The following DDR1 variants were observed in gnomAD, a reference collection of about 807,000 sequenced individuals.
DDR1 encodes the protein discoidin domain receptor tyrosine kinase 1, also known as epithelial discoidin domain-containing receptor 1.
Under a neutral mutation model 97.4 loss-of-function variants are expected in DDR1, and 64 were observed. That is an observed-to-expected ratio of 0.66 (90% CI 0.54 to 0.81). The LOEUF (loss-of-function observed/expected upper bound fraction) is 0.81. Ranked by LOEUF, DDR1 falls within the 30% of genes least tolerant of loss-of-function variation. The probability of loss-of-function intolerance (pLI) is 0.00; values close to 1 mark genes in which losing one functional copy is unlikely to be tolerated. For synonymous variants in DDR1, 458 were observed against 503.7 expected (o/e 0.91, Z 1.21); for missense variants, 990 against 1,259.6 (o/e 0.79, Z 3.24).
At chr6:30,895,281 C>T (rs1474632557) in intron 11 of DDR1, 123 bp from the exon 12 acceptor site, 3 of 689,206 alleles carry the variant, frequency 4.4e-6, no homozygotes, top group Non-Finnish European at 7.4e-6. Context: ...CTTGTTTTAT[C>T]CTGTCTGTCT....
upstream of DDR1, chr6:30,882,520 G>C (rs914005229): frequency 1.3e-5 from 2 of 152,266 alleles, no homozygotes; most frequent in Non-Finnish European, 2.9e-5. This position sits in a 1 kb window ranked among gnomAD's most constrained non-coding sequence, Gnocchi z 4.8. Context: ...TGGGAATCTC[G>C]GCTCCGAGTC....
rs1790371000 is a variant in DDR1, at chr6:30,895,442, G to A, written c.1552G>A (p.Ala518Thr). 2 of 1,609,750 alleles carry A rather than the reference G, an allele frequency of 1.2e-6. No individual in the cohort carries two copies. The change falls in exon 12 of 18, where the codon GCC becomes ACC. Residue 518 changes from alanine (A) to threonine (T), a missense_variant. Physicochemically the swap from Ala to Thr is moderately conservative, Grantham distance 58. Transcript: ENST00000376568. Reference sequence around the variant, plus strand: ...CAATCCAGCCTACCGCCTCCTTCTGGCCACTTACGCCCGTCCCCCTCGAGG... The same window carrying A: ...CAATCCAGCCTACCGCCTCCTTCTGACCACTTACGCCCGTCCCCCTCGAGG... The part of the protein sequence containing the change: ...LSNPAYRLLL[A>T]TYARPPRGPG...
At position 30,889,293 on chromosome 6, in the gene DDR1, C is replaced by T. The variant is rs1049621; in HGVS notation, c.280C>T (p.Leu94=). ...GTACTTGCAGGTGGATCTACAACGA[C>T]TGCACCTGGTGGCTCTGGTGGGCAC... is the stretch of plus-strand genomic sequence containing the variant. ...EEYLQVDLQR[L]HLVALVGTQG... is the part of the protein sequence containing the mutation. The change falls in exon 4 of 18, where the codon CTG becomes TTG. Residue 94 remains leucine, a synonymous_variant. Transcript: ENST00000376568. This position sits in a 1 kb window ranked among gnomAD's most constrained non-coding sequence, Gnocchi z 4.9. 6.2e-7 allele frequency: 1 copy of T among 1,612,946 alleles called. No homozygotes were observed. The highest frequency in any genetic ancestry group is 8.5e-7 in the Non-Finnish European group (1 of 1,180,004).
In DDR1 at chr6:30,891,485, A is replaced by C. The variant is rs1331946875; in HGVS notation, c.665+6A>C. On this transcript the variant is annotated splice_donor_region_variant and intron_variant, in intron 6 of 17. Transcript: ENST00000376568. The surrounding 1 kb of genome is among the most constrained non-coding windows in gnomAD (Gnocchi z 5.3). The stretch of plus-strand genomic sequence containing the variant: ...GACGGACATACCGTGGGCGGGTAAG[A>C]AAGGCCCCTGCAGGATATGGAGTTT... The C allele has an allele frequency of 6.2e-7, 1 of 1,607,378 alleles. No individual in the cohort carries two copies. Among genetic ancestry groups the C allele is most frequent in the Non-Finnish European group, 8.5e-7 (1 of 1,175,720 alleles).
chr6:30,895,146 A>G (rs1790244676), intron 11 of DDR1, among the ~76,000 whole-genome samples: 1 of 152,040 alleles, frequency 6.6e-6, no homozygotes, highest in Admixed American at 6.6e-5. Context: ...ATATTCACAC[A>G]TCCATCTTTC....
chr6:30,897,680 A>G lies in DDR1; in HGVS notation c.2216+83A>G. On this transcript the variant is annotated intron_variant, in intron 15 of 17. Transcript: ENST00000376568. This position sits in a 1 kb window ranked among gnomAD's most constrained non-coding sequence, Gnocchi z 5.2. Reference sequence around the variant, plus strand: ...TCCCCTCGCTTCAGCCTGGAGGAAAAGAGGGGAGCGTGGGGGTGGGAAGGG... The same window carrying G: ...TCCCCTCGCTTCAGCCTGGAGGAAAGGAGGGGAGCGTGGGGGTGGGAAGGG... 8.4e-7 allele frequency: 1 copy of G among 1,192,050 alleles called. No individual in the cohort carries two copies. Among genetic ancestry groups the G allele is most frequent in the Non-Finnish European group, 1.2e-6 (1 of 846,562 alleles). 73.8% of individuals were successfully genotyped at this position (1,192,050 alleles called of 1,614,324 possible). A position where few individuals can be genotyped will look rare whatever the true frequency, so the allele number is the denominator to read the frequency against.
At position 30,897,463 on chromosome 6, in the gene DDR1, C is replaced by T. The variant is rs199585201; in HGVS notation, c.2082C>T (p.Asp694=). The T allele has an allele frequency of 1.1e-5, 17 of 1,614,104 alleles. No individual in the cohort carries two copies. Among genetic ancestry groups the T allele is most frequent in the African/African-American group, 2.7e-5 (2 of 75,030 alleles). ...IIRLLGVCVQ[D]DPLCMITDYM... is the part of the protein sequence containing the mutation. ...GGCTGCTGGGCGTGTGTGTGCAGGACGACCCCCTCTGCATGATTACTGACT... is the reference window on the plus strand; with the variant it reads ...GGCTGCTGGGCGTGTGTGTGCAGGATGACCCCCTCTGCATGATTACTGACT... The change falls in exon 15 of 18, where the codon GAC becomes GAT. Residue 694 remains aspartate, a synonymous_variant. Transcript: ENST00000376568. The surrounding 1 kb of genome is among the most constrained non-coding windows in gnomAD (Gnocchi z 5.2).
Position 30,897,553 on chromosome 6 carries a change from G to T in DDR1, c.2172G>T (p.Glu724Asp). Residue 724 changes from glutamate to aspartate, a missense_variant, in exon 15 of 18, where the codon GAG (glutamate) becomes GAT (aspartate). Coordinates refer to ENST00000376568, the MANE Select transcript of DDR1 (RefSeq NM_001297654.2). The surrounding 1 kb of genome is among the most constrained non-coding windows in gnomAD (Gnocchi z 5.2). ...ACCAGCTGGAGGACAAGGCAGCCGA[G>T]GGGGCCCCTGGGGACGGGCAGGCTG... ...SAHQLEDKAA[E>D]GAPGDGQAAQ... is the part of the protein sequence containing the mutation. 6.2e-7 allele frequency: 1 copy of T among 1,613,640 alleles called. No individual in the cohort carries two copies. The highest frequency in any genetic ancestry group is 8.5e-7 in the Non-Finnish European group (1 of 1,179,992).
In DDR1 at chr6:30,888,500, T is replaced by C; in HGVS notation, c.-42-188T>C. Reference sequence around the variant, plus strand: ...ACTGTGAAGATAAAATTATGGATTCTGTTTAAGGGTTTAGGCCAGTGTCTG... The same window carrying C: ...ACTGTGAAGATAAAATTATGGATTCCGTTTAAGGGTTTAGGCCAGTGTCTG... On this transcript the variant is annotated intron_variant, in intron 1 of 17. Transcript: ENST00000376568. This position sits in a 1 kb window ranked among gnomAD's most constrained non-coding sequence, Gnocchi z 4.2. The C allele has an allele frequency of 1.6e-6, 1 of 625,772 alleles. No individual in the cohort carries two copies. Among genetic ancestry groups the C allele is most frequent in the Non-Finnish European group, 2.7e-6 (1 of 366,594 alleles). 38.8% of individuals were successfully genotyped at this position (625,772 alleles called of 1,614,324 possible). A position where few individuals can be genotyped will look rare whatever the true frequency, so the allele number is the denominator to read the frequency against.
At position 30,892,207 on chromosome 6, in the gene DDR1, C is replaced by T. The variant is rs182508410; in HGVS notation, c.852+19C>T. 1.4e-3 allele frequency: 2,274 copies of T among 1,613,600 alleles called. 13 individuals carry two copies. The highest frequency in any genetic ancestry group is 6.5e-3 in the Admixed American group (393 of 60,006). ...TATGCAGGTGAGTGAGTCCGGCTCTCGAGGAGGGCTCTGAAGCCATGCAGG... is the reference window on the plus strand; with the variant it reads ...TATGCAGGTGAGTGAGTCCGGCTCTTGAGGAGGGCTCTGAAGCCATGCAGG... On this transcript the variant is annotated intron_variant, in intron 7 of 17. Transcript: ENST00000376568.
At chr6:30,885,741 A>AG (rs1254117527) in intron 1 of DDR1, 1 of 1,294,704 alleles carries the variant, frequency 7.7e-7, no homozygotes, top group Admixed American at 2.3e-5. Flanking sequence ...AAACTCTGTG[A>AG]GGGTTGTCAG....
At position 30,893,440 on chromosome 6, in the gene DDR1, C is replaced by T. The variant is rs2150375591; in HGVS notation, c.1347+17C>T. ...CTCAGCAAGGTGGGCACAGCCGTGG[C>T]ATGTGGAGTGGCGGGGGGAGGCCAG... On this transcript the variant is annotated intron_variant, in intron 10 of 17. Coordinates refer to ENST00000376568, the MANE Select transcript of DDR1 (RefSeq NM_001297654.2). 6.3e-7 allele frequency: 1 copy of T among 1,596,610 alleles called. No individual in the cohort carries two copies. The highest frequency in any genetic ancestry group is 8.5e-7 in the Non-Finnish European group (1 of 1,177,252).
chr6:30,884,034 G>C (rs1784810852), upstream of DDR1: 1 of 153,136 alleles, frequency 6.5e-6, no homozygotes. The surrounding 1 kb of genome is among the most constrained non-coding windows in gnomAD (Gnocchi z 6.1). Context: ...CCCTGGGGCT[G>C]CTCCCCTTTG....
At position 30,890,443 on chromosome 6, in the gene DDR1, T is replaced by C; in HGVS notation, c.418-530T>C. ...AGGTGTCACCTCCTTAGAGAGCCTTTTCTGGCCACCCACCTCACTGCTCTG... is the reference window on the plus strand; with the variant it reads ...AGGTGTCACCTCCTTAGAGAGCCTTCTCTGGCCACCCACCTCACTGCTCTG... On this transcript the variant is annotated intron_variant, in intron 4 of 17. Transcript: ENST00000376568. This position sits in a 1 kb window ranked among gnomAD's most constrained non-coding sequence, Gnocchi z 5.0. The C allele has an allele frequency of 6.5e-6, 1 of 153,046 alleles. No individual in the cohort carries two copies. Among genetic ancestry groups the C allele is most frequent in the Non-Finnish European group, 1.5e-5 (1 of 68,626 alleles). 9.5% of individuals were successfully genotyped at this position (153,046 alleles called of 1,614,324 possible). A position where few individuals can be genotyped will look rare whatever the true frequency, so the allele number is the denominator to read the frequency against.
In DDR1 at chr6:30,897,570, G is replaced by A. The variant is rs772751955; in HGVS notation, c.2189G>A (p.Gly730Glu). 1.6e-5 allele frequency: 25 copies of A among 1,612,744 alleles called. No homozygotes were observed. The highest frequency in any genetic ancestry group is 1.5e-4 in the Admixed American group (9 of 59,998). Residue 730 changes from glycine to glutamate, a missense_variant, in exon 15 of 18, where the codon GGG becomes GAG. Transcript: ENST00000376568. This position sits in a 1 kb window ranked among gnomAD's most constrained non-coding sequence, Gnocchi z 5.2. Reference protein sequence around the residue: ...DKAAEGAPGDGQAAQGPTISY... With the variant: ...DKAAEGAPGDEQAAQGPTISY... Reference sequence around the variant, plus strand: ...GCAGCCGAGGGGGCCCCTGGGGACGGGCAGGCTGCGCAGGGGCCCACCATC... The same window carrying A: ...GCAGCCGAGGGGGCCCCTGGGGACGAGCAGGCTGCGCAGGGGCCCACCATC...
chr6:30,896,313 C>T (rs1161944344), intron 12 of DDR1, among the ~76,000 whole-genome samples: 1 of 151,654 alleles, frequency 6.6e-6, no homozygotes. Context: ...AATTCTTCTT[C>T]CAGCCAAGAT....
At position 30,890,156 on chromosome 6, in the gene DDR1, A is replaced by G. The variant is rs933087574; in HGVS notation, c.417+726A>G. ...TTAGAGCATGTAAATCAGATACGTC[A>G]CACCTAGCTGACACCCCCATGCTGG... On this transcript the variant is annotated intron_variant, in intron 4 of 17. Transcript: ENST00000376568. The surrounding 1 kb of genome is among the most constrained non-coding windows in gnomAD (Gnocchi z 5.0). Among the ~76,000 whole-genome samples, 2 of 152,132 alleles carry G rather than the reference A, an allele frequency of 1.3e-5. No homozygotes were observed. The highest frequency in any genetic ancestry group is 4.8e-5 in the African/African-American group (2 of 41,404).
rs776530832 is a variant in DDR1, at chr6:30,897,133, G to C, written c.1989G>C (p.Lys663Asn). 2 of 1,613,914 alleles carry C rather than the reference G, an allele frequency of 1.2e-6. No individual in the cohort carries two copies. The highest frequency in any genetic ancestry group is 1.7e-6 in the Non-Finnish European group (2 of 1,179,940). Residue 663 changes from lysine (K) to asparagine (N), a missense_variant, in exon 14 of 18, where the codon AAG (lysine) becomes AAC (asparagine). By Grantham distance (94) the Lys-to-Asn change is moderately conservative. Transcript: ENST00000376568. This position sits in a 1 kb window ranked among gnomAD's most constrained non-coding sequence, Gnocchi z 5.2. ...AGATCTTACGGCCAGATGCCACCAA[G>C]AATGCCAGGTGAGGACCAGGGATGG... ...AVKILRPDAT[K>N]NARNDFLKEV...
chr6:30,891,867 TG>T lies in DDR1; in HGVS notation c.666-132del. Reference sequence around the variant, plus strand: ...AAGGGCCAGCTGCATGAGTGTGAGGTGGGATGGGAATGGGACTAGTGGATGG... The same window carrying T: ...AAGGGCCAGCTGCATGAGTGTGAGGTGGATGGGAATGGGACTAGTGGATGG... On this transcript the variant is annotated intron_variant, in intron 6 of 17. Transcript: ENST00000376568. This position sits in a 1 kb window ranked among gnomAD's most constrained non-coding sequence, Gnocchi z 5.3. 1 of 915,590 alleles carries T rather than the reference TG, an allele frequency of 1.1e-6. No individual in the cohort carries two copies. Among genetic ancestry groups the T allele is most frequent in the Non-Finnish European group, 1.7e-6 (1 of 577,450 alleles). 56.7% of individuals were successfully genotyped at this position (915,590 alleles called of 1,614,324 possible). A position where few individuals can be genotyped will look rare whatever the true frequency, so the allele number is the denominator to read the frequency against.
Sources: gnomAD v4.1 joint callset for allele counts (sites outside exome capture counted in the v4.1 genomes callset) on GRCh38, gnomAD v4.1.1 for gene constraint, Gnocchi (gnomAD v3.1) non-coding constraint, MANE v1.5 for transcripts, NCBI Gene and HGNC (gene_info 2026-07-23, HGNC 2026-07-21) for gene names.